Variants in RALYL observed in about 807,000 individuals in gnomAD.
RALYL encodes the protein RNA-binding Raly-like protein.
A neutral mutation model predicts 35.1 loss-of-function variants in RALYL; 29 were observed. The observed-to-expected ratio is 0.83, with a 90% CI of 0.61 to 1.13. The LOEUF is 1.13. RALYL is among the 50% of genes most tolerant of loss of function. RALYL has a pLI of 0.00. For missense variants in RALYL, 359 were observed against 360.4 expected, an observed-to-expected ratio of 1.00 and a Z score of 0.03; for synonymous variants, 120 against 127.6, an observed-to-expected ratio of 0.94 and a Z score of 0.40.
chr8:84,743,522 A>G (rs1421559165), intron 2 of RALYL, among the ~76,000 whole-genome samples: 1 of 152,042 alleles, frequency 6.6e-6, no homozygotes, highest in Non-Finnish European at 1.5e-5. Context: ...AAGGGTTCTC[A>G]CATTTCAGTC....
chr8:84,861,149 T>A (rs1194764662), intron 5 of RALYL, among the ~76,000 whole-genome samples: 1 of 152,180 alleles, frequency 6.6e-6, no homozygotes, highest in Non-Finnish European at 1.5e-5. Context: ...AAAGTAATTA[T>A]AAGAATGTAA....
intron 6 of RALYL, among the ~76,000 whole-genome samples, chr8:84,870,643 A>G (rs1366378648): frequency 6.6e-6 from 1 of 152,008 alleles, no homozygotes. Flanking sequence ...GGGATTTAAT[A>G]TAATTCACTG....
At chr8:84,759,776 C>T (rs1373699680) in intron 2 of RALYL, among the ~76,000 whole-genome samples, 1 of 152,166 alleles carries the variant, frequency 6.6e-6, no homozygotes, top group Non-Finnish European at 1.5e-5. Context: ...ATTATTTCAT[C>T]TTCTCTGTTG....
At chr8:84,319,309 C>T (rs539143042) in intron 1 of RALYL, among the ~76,000 whole-genome samples, 2 of 152,192 alleles carry the variant, frequency 1.3e-5, no homozygotes, top group South Asian at 4.1e-4. Flanking sequence ...TATGTTCTGT[C>T]TTCTTAGTGA....
chr8:84,732,189 A>G (rs191989157), intron 2 of RALYL, among the ~76,000 whole-genome samples: 649 of 152,240 alleles, frequency 4.3e-3, no homozygotes, highest in African/African-American at 0.014. Context: ...TTGTTAGTCT[A>G]AAAGCACCAT....
chr8:84,235,739 C>G (rs369132350), intron 1 of RALYL, among the ~76,000 whole-genome samples: 1 of 150,826 alleles, frequency 6.6e-6, no homozygotes, highest in Non-Finnish European at 1.5e-5. Context: ...AAATATTATC[C>G]AATGCATTTC....
intron 2 of RALYL, among the ~76,000 whole-genome samples, chr8:84,559,490 G>A (rs2061346224): frequency 6.6e-6 from 1 of 151,946 alleles, no homozygotes; most frequent in Non-Finnish European, 1.5e-5. Context: ...CCCATTCAGT[G>A]TCTGGAAAAT....
intron 1 of RALYL, among the ~76,000 whole-genome samples, chr8:84,258,927 T>C (rs554275426): frequency 6.6e-6 from 1 of 152,298 alleles, no homozygotes; most frequent in South Asian, 2.1e-4. Flanking sequence ...TTCTGTTCTA[T>C]CTTTATTGTT....
intron 1 of RALYL, among the ~76,000 whole-genome samples, chr8:84,323,022 TA>T (rs1368731891): frequency 6.6e-6 from 1 of 152,068 alleles, no homozygotes; most frequent in Non-Finnish European, 1.5e-5. Flanking sequence ...AGAAGATTGT[TA>T]AAATCAGACA....
At chr8:84,414,144 T>A (rs925547422) in intron 1 of RALYL, among the ~76,000 whole-genome samples, 4 of 152,178 alleles carry the variant, frequency 2.6e-5, no homozygotes, top group South Asian at 4.1e-4. Context: ...ATGATTTTTT[T>A]AATCCCATGT....
chr8:84,892,783 A>G (rs1844095711), intron 8 of RALYL, among the ~76,000 whole-genome samples: 2 of 152,106 alleles, frequency 1.3e-5, no homozygotes, highest in Non-Finnish European at 2.9e-5. Flanking sequence ...GGACTTTATA[A>G]TTTATAAGCA....
intron 4 of RALYL, among the ~76,000 whole-genome samples, chr8:84,805,716 A>C (rs1824429546): frequency 6.6e-6 from 1 of 152,140 alleles, no homozygotes; most frequent in African/African-American, 2.4e-5. Context: ...AAATAATAAC[A>C]ATAATATGTT....
intron 1 of RALYL, among the ~76,000 whole-genome samples, chr8:84,220,264 T>C (rs1256702570): frequency 6.6e-6 from 1 of 152,092 alleles, no homozygotes; most frequent in African/African-American, 2.4e-5. Context: ...ATTTGTACTA[T>C]TTTTATATAT....
intron 2 of RALYL, among the ~76,000 whole-genome samples, chr8:84,758,603 C>T (rs1396436982): frequency 6.6e-6 from 1 of 151,828 alleles, no homozygotes; most frequent in Non-Finnish European, 1.5e-5. Flanking sequence ...GGTTCTTCAC[C>T]ACGTGGCCTT....
chr8:84,835,502 T>TAAAAAAAAA (rs35745516), intron 4 of RALYL, among the ~76,000 whole-genome samples: 72 of 96,230 alleles, frequency 7.5e-4, no homozygotes, highest in South Asian at 1.3e-3. Context: ...CTGTCTCTAC[T>TAAAAAAAAA]AAAAAAAAAA....
At chr8:84,714,997 C>A (rs1842752330) in intron 2 of RALYL, among the ~76,000 whole-genome samples, 1 of 151,832 alleles carries the variant, frequency 6.6e-6, no homozygotes, top group Non-Finnish European at 1.5e-5. Flanking sequence ...TCAGTGTCAT[C>A]AACATAGATT....
At chr8:84,879,700 C>T (rs543780867) in intron 7 of RALYL, among the ~76,000 whole-genome samples, 9 of 152,108 alleles carry the variant, frequency 5.9e-5, no homozygotes, top group Non-Finnish European at 1.2e-4. Context: ...TGCTGTTTTC[C>T]ATAGCAAGCT....
At chr8:84,344,133 G>C (rs1181614964) in intron 1 of RALYL, among the ~76,000 whole-genome samples, 2 of 151,804 alleles carry the variant, frequency 1.3e-5, no homozygotes, top group Non-Finnish European at 2.9e-5. Flanking sequence ...GGGAGGATTT[G>C]TTTTCTCTTT....
intron 6 of RALYL, among the ~76,000 whole-genome samples, chr8:84,863,303 C>A (rs571472025): frequency 6.6e-6 from 1 of 152,228 alleles, no homozygotes; most frequent in East Asian, 1.9e-4. Flanking sequence ...AGAGACAGAG[C>A]ATTCTGTGGA....
Sources: gnomAD v4.1 joint callset for allele counts (sites outside exome capture counted in the v4.1 genomes callset) on GRCh38, gnomAD v4.1.1 for gene constraint, MANE v1.5 for transcripts, NCBI Gene and HGNC (gene_info 2026-07-23, HGNC 2026-07-21) for gene names.